The following ATP2B1 variants were observed in gnomAD, a reference collection of about 807,000 sequenced individuals.
ATP2B1 encodes the protein ATPase plasma membrane Ca2+ transporting 1.
ATP2B1 carries 14 observed loss-of-function variants against 124.2 expected under a neutral mutation model. The observed-to-expected ratio is 0.11, with a 90% CI of 0.07 to 0.18. The LOEUF is 0.18. Ranked by LOEUF, ATP2B1 falls within the 10% of genes least tolerant of loss-of-function variation. The pLI is 1.00. For missense variants in ATP2B1, 763 were observed against 1,466.1 expected (o/e 0.52, Z 7.83); for synonymous variants, 449 against 492.4 (o/e 0.91, Z 1.17).
intron 11 of ATP2B1, 76 bp downstream of exon 11, chr12:89,619,923 A>T: frequency 6.5e-7 from 1 of 1,529,132 alleles, no homozygotes; most frequent in African/African-American, 1.4e-5. Context: ...AAAAGACAAC[A>T]ACAATAACAA....
intron 3 of ATP2B1, among the ~76,000 whole-genome samples, chr12:89,640,796 C>T (rs950423906): frequency 1.3e-4 from 20 of 152,128 alleles, no homozygotes; most frequent in Admixed American, 6.5e-5. Context: ...CCCCTCAAGG[C>T]CACCTCTTGC....
At chr12:89,622,779 A>T (rs1056004738) in intron 9 of ATP2B1, among the ~76,000 whole-genome samples, 1 of 152,184 alleles carries the variant, frequency 6.6e-6, no homozygotes, top group Non-Finnish European at 1.5e-5. Context: ...CTGTGAAAAG[A>T]ACAGTAATTG....
chr12:89,607,038 T>C (rs957525), intron 15 of ATP2B1, among the ~76,000 whole-genome samples: 6,720 of 152,280 alleles, frequency 0.044, 343 homozygotes, highest in East Asian at 0.25. Flanking sequence ...AAACTAGTTC[T>C]ATGATGAAAC....
At chr12:89,683,744 G>T (rs1483625388) in intron 1 of ATP2B1, among the ~76,000 whole-genome samples, 1 of 152,078 alleles carries the variant, frequency 6.6e-6, no homozygotes, top group Non-Finnish European at 1.5e-5. Context: ...TTAAGTTTGG[G>T]GTGGTCTGTT....
At chr12:89,636,548 G>A (rs1027956820) in intron 3 of ATP2B1, among the ~76,000 whole-genome samples, 2 of 152,142 alleles carry the variant, frequency 1.3e-5, no homozygotes, top group African/African-American at 4.8e-5. Flanking sequence ...AGACAAAGCA[G>A]GAGGATTATT....
In ATP2B1 at chr12:89,635,026, G is replaced by A. The variant is rs372378449; in HGVS notation, c.632C>T (p.Thr211Ile). Residue 211 changes from threonine to isoleucine, a missense_variant, in exon 4 of 21, where the codon ACT (threonine) becomes ATT (isoleucine). By Grantham distance (89) the Thr-to-Ile change is moderately conservative. This residue lies in a region of ATP2B1 where 392 missense variants were observed against 776.6 expected (regional missense o/e 0.50). Coordinates refer to ENST00000428670, the MANE Select transcript of ATP2B1 (RefSeq NM_001366521.1). ...QVIQIPVADI[T>I]VGDIAQVKYG... is the part of the protein sequence containing the mutation. ...TTTCACTTGAGCAATATCTCCAACA[G>A]TAATGTCAGCTACAGGTATCTGAAT... 8.1e-6 allele frequency: 13 copies of A among 1,613,852 alleles called. No individual in the cohort carries two copies. The highest frequency in any genetic ancestry group is 1.7e-5 in the Admixed American group (1 of 60,002).
At chr12:89,599,366 TAC>T in intron 19 of ATP2B1, 67 bp from the exon 20 acceptor site, 1 of 1,514,816 alleles carries the variant, frequency 6.6e-7, no homozygotes, top group Non-Finnish European at 9.0e-7. Flanking sequence ...TCAACTGTAA[TAC>T]TAAAGGTATT....
chr12:89,593,376 T>A (rs934249555), intron 20 of ATP2B1: 1 of 151,994 alleles, frequency 6.6e-6, no homozygotes, highest in Non-Finnish European at 1.5e-5. Context: ...TGATGGGTGA[T>A]GAGAACTGTT....
At chr12:89,599,560 A>G (rs529223201) in intron 19 of ATP2B1, among the ~76,000 whole-genome samples, 4 of 152,308 alleles carry the variant, frequency 2.6e-5, no homozygotes, top group Non-Finnish European at 5.9e-5. Flanking sequence ...TTTCATCAGG[A>G]CATTCAAGAC....
At chr12:89,699,580 CT>C (rs1457821858) in intron 1 of ATP2B1, among the ~76,000 whole-genome samples, 2 of 152,164 alleles carry the variant, frequency 1.3e-5, no homozygotes, top group Non-Finnish European at 2.9e-5. Context: ...AACCCCCTGA[CT>C]TTGTACTTTT....
At chr12:89,699,999 C>T (rs1257957323) in intron 1 of ATP2B1, among the ~76,000 whole-genome samples, 1 of 151,022 alleles carries the variant, frequency 6.6e-6, no homozygotes. Flanking sequence ...TACACGACAC[C>T]ATGCCTGGCT....
chr12:89,618,627 C>A (rs1003688487), intron 11 of ATP2B1, among the ~76,000 whole-genome samples: 14 of 152,208 alleles, frequency 9.2e-5, no homozygotes, highest in African/African-American at 3.4e-4. Context: ...CACTATTCAG[C>A]TGAACTATAC....
intron 12 of ATP2B1, among the ~76,000 whole-genome samples, chr12:89,615,116 A>G (rs1878732114): frequency 1.3e-5 from 2 of 152,046 alleles, no homozygotes; most frequent in South Asian, 4.2e-4. Flanking sequence ...TTCCACCTTT[A>G]AAATAGCTAC....
intron 1 of ATP2B1, among the ~76,000 whole-genome samples, chr12:89,656,585 G>A (rs1261240708): frequency 6.6e-6 from 1 of 152,098 alleles, no homozygotes; most frequent in Non-Finnish European, 1.5e-5. Context: ...CATTATACTT[G>A]GATCTCTCTC....
chr12:89,622,750 A>G lies in ATP2B1; in HGVS notation c.1345-959T>C, dbSNP rs147471906. 8.7e-3 allele frequency among the ~76,000 whole-genome samples: 1,325 copies of G among 152,314 alleles called. 16 individuals carry two copies. Among genetic ancestry groups the G allele is most frequent in the Non-Finnish European group, 0.011 (746 of 67,996 alleles). Reference sequence around the variant, plus strand: ...CAGTTTTGTGAAACACTAACAGAGAATCCATAAAGACTATACCTCTGTGAA... The same window carrying G: ...CAGTTTTGTGAAACACTAACAGAGAGTCCATAAAGACTATACCTCTGTGAA... On this transcript the variant is annotated intron_variant, in intron 9 of 20. Transcript: ENST00000428670.
chr12:89,599,369 T>TA, intron 19 of ATP2B1, 70 bp from the exon 20 acceptor site: 1 of 1,479,346 alleles, frequency 6.8e-7, no homozygotes, highest in Non-Finnish European at 9.2e-7. Flanking sequence ...ACTGTAATAC[T>TA]AAAGGTATTA....
Position 89,620,064 on chromosome 12 carries a change from G to A in ATP2B1, c.1764C>T (p.Val588=), listed in dbSNP as rs1249406686. ...FNSVRKSMST[V]LKNSDGSYRI... ...GATAACTTCCATCTGAATTTTTCAG[G>A]ACAGTACTCATGGACTTCCTAACAG... is the stretch of plus-strand genomic sequence containing the variant. Residue 588 remains valine (V), a synonymous_variant, in exon 11 of 21, where the codon GTC becomes GTT. Coordinates refer to ENST00000428670, the MANE Select transcript of ATP2B1 (RefSeq NM_001366521.1). The A allele has an allele frequency of 1.9e-6, 3 of 1,614,042 alleles. No individual in the cohort carries two copies. Among genetic ancestry groups the A allele is most frequent in the East Asian group, 4.5e-5 (2 of 44,854 alleles).
intron 2 of ATP2B1, among the ~76,000 whole-genome samples, chr12:89,654,245 A>G (rs1885672860): frequency 6.6e-6 from 1 of 152,200 alleles, no homozygotes; most frequent in Non-Finnish European, 1.5e-5. Flanking sequence ...TTAAGTATGC[A>G]ACCAATTTTG....
intron 18 of ATP2B1, among the ~76,000 whole-genome samples, chr12:89,602,680 A>C (rs1267942702): frequency 6.6e-6 from 1 of 152,212 alleles, no homozygotes; most frequent in Non-Finnish European, 1.5e-5. Flanking sequence ...AAGTGATCTT[A>C]ATTTTTTTTA....
Sources: gnomAD v4.1 joint callset for allele counts (sites outside exome capture counted in the v4.1 genomes callset) on GRCh38, gnomAD v4.1.1 for gene constraint, gnomAD v4.1.1 regional missense constraint, MANE v1.5 for transcripts, NCBI Gene and HGNC (gene_info 2026-07-23, HGNC 2026-07-21) for gene names.